Variants in TTC27 observed in about 807,000 individuals in gnomAD.
The protein encoded by TTC27 is tetratricopeptide repeat protein 27.
A neutral mutation model predicts 115.9 loss-of-function variants in TTC27; 79 were observed. That is an observed-to-expected ratio of 0.68 (90% CI 0.57 to 0.82). The LOEUF (loss-of-function observed/expected upper bound fraction) is 0.82. Ranked by LOEUF, TTC27 falls within the 40% of genes least tolerant of loss-of-function variation. The pLI, the probability that TTC27 is intolerant of heterozygous loss-of-function variation, is 0.00. For synonymous variants in TTC27, 401 were observed against 356.0 expected (o/e 1.13, Z -1.42); for missense variants, 1,054 against 993.1 (o/e 1.06, Z -0.82).
intron 8 of TTC27, among the ~76,000 whole-genome samples, chr2:32,674,441 G>GTGCC (rs1666123545): frequency 6.6e-6 from 1 of 152,088 alleles, no homozygotes; most frequent in Admixed American, 6.6e-5. Flanking sequence ...GTGAGCCACC[G>GTGCC]TGCCCAGTCA....
intron 9 of TTC27, among the ~76,000 whole-genome samples, chr2:32,702,198 G>A (rs779752893): frequency 8.6e-5 from 13 of 151,942 alleles, no homozygotes; most frequent in Non-Finnish European, 1.8e-4. Context: ...ACAAGAGAAG[G>A]ACCAAGGGTG....
chr2:32,736,714 C>G lies in TTC27; in HGVS notation c.1350C>G (p.Leu450=). ...TCTAGCGCCAACTTGCAAGTTTGCT[C>G]TTTGAGTTGGGATGTACCAGTTCAG... is the stretch of plus-strand genomic sequence containing the variant. The part of the protein sequence containing the change: ...WAIQRQLASL[L]FELGCTSSAL... The change falls in exon 12 of 20, where the codon CTC becomes CTG. Residue 450 remains leucine (L), a synonymous_variant. Coordinates refer to ENST00000317907, the MANE Select transcript of TTC27 (RefSeq NM_017735.5). The G allele has an allele frequency of 1.9e-6, 3 of 1,613,816 alleles. No individual in the cohort carries two copies. Among genetic ancestry groups the G allele is most frequent in the Non-Finnish European group, 2.5e-6 (3 of 1,179,850 alleles).
intron 3 of TTC27, among the ~76,000 whole-genome samples, chr2:32,636,480 T>C (rs936893340): frequency 1.3e-5 from 2 of 152,120 alleles, no homozygotes. Flanking sequence ...TCCCAAAGTG[T>C]TAGGATTATG....
At chr2:32,713,203 G>C (rs1001002323) in intron 10 of TTC27, among the ~76,000 whole-genome samples, 2 of 152,054 alleles carry the variant, frequency 1.3e-5, no homozygotes, top group African/African-American at 4.8e-5. Flanking sequence ...ATCTCTGCTC[G>C]TTATAGGTGA....
intron 1 of TTC27, among the ~76,000 whole-genome samples, chr2:32,629,671 C>G (rs1437243508): frequency 6.9e-6 from 1 of 145,526 alleles, no homozygotes; most frequent in Non-Finnish European, 1.5e-5. Context: ...GATCTCCTGA[C>G]GTCGTGATCC....
At chr2:32,739,713 A>G (rs1410177531) in intron 12 of TTC27, among the ~76,000 whole-genome samples, 1 of 152,092 alleles carries the variant, frequency 6.6e-6, no homozygotes, top group Non-Finnish European at 1.5e-5. Context: ...TGTTTTTCTT[A>G]TGCTATATTT....
At chr2:32,680,301 T>C (rs1474070863) in intron 9 of TTC27, among the ~76,000 whole-genome samples, 3 of 152,210 alleles carry the variant, frequency 2.0e-5, no homozygotes, top group African/African-American at 2.4e-5. Flanking sequence ...GTACTTTTCA[T>C]TTATTCATTC....
In TTC27 at chr2:32,758,752, AT is replaced by A. The variant is rs1162414635; in HGVS notation, c.1680+240del. On this transcript the variant is annotated intron_variant, in intron 13 of 19. Coordinates refer to ENST00000317907, the MANE Select transcript of TTC27 (RefSeq NM_017735.5). ...CTTTAACTTTCTGTTTCATTTTGTT[AT>A]TTTTTTCCCTTATCTGTCCTTAACT... is the stretch of plus-strand genomic sequence containing the variant. Among the ~76,000 whole-genome samples, 17 of 146,138 alleles carry A rather than the reference AT, an allele frequency of 1.2e-4. No homozygotes were observed. In the South Asian group the frequency reaches 3.9e-3, roughly 33 times the overall value.
intron 9 of TTC27, among the ~76,000 whole-genome samples, chr2:32,682,150 C>A (rs1666454074): frequency 6.6e-6 from 1 of 151,850 alleles, no homozygotes; most frequent in Admixed American, 6.6e-5. Context: ...TGAATAAATG[C>A]ATGCAGAATA....
At chr2:32,642,806 T>A (rs1664703143) in intron 4 of TTC27, among the ~76,000 whole-genome samples, 1 of 151,910 alleles carries the variant, frequency 6.6e-6, no homozygotes, top group Non-Finnish European at 1.5e-5. Flanking sequence ...TAACTTGTAC[T>A]ACAGGCATGC....
At chr2:32,628,511 C>T in intron 1 of TTC27, 131 bp downstream of exon 1, 3 of 941,032 alleles carry the variant, frequency 3.2e-6, no homozygotes, top group Non-Finnish European at 4.5e-6. Context: ...GGCTTTGGGT[C>T]GTTTAGTCTT....
At chr2:32,763,420 TAAC>T (rs896013876) in intron 13 of TTC27, among the ~76,000 whole-genome samples, 11 of 152,328 alleles carry the variant, frequency 7.2e-5, no homozygotes, top group Admixed American at 1.3e-4. Context: ...TTAGGTTAAA[TAAC>T]AAAATTTAGG....
chr2:32,799,167 G>A (rs1245866627), intron 16 of TTC27, among the ~76,000 whole-genome samples: 5 of 152,194 alleles, frequency 3.3e-5, no homozygotes. Context: ...CCACTTACAT[G>A]AAGTACTTAG....
chr2:32,688,355 A>T (rs981994081), intron 9 of TTC27, among the ~76,000 whole-genome samples: 1 of 152,134 alleles, frequency 6.6e-6, no homozygotes, highest in African/African-American at 2.4e-5. Context: ...TTGTTATAAC[A>T]TTGGGTAGTG....
intron 4 of TTC27, among the ~76,000 whole-genome samples, chr2:32,647,214 T>G (rs758112026): frequency 6.6e-6 from 1 of 152,174 alleles, no homozygotes; most frequent in Non-Finnish European, 1.5e-5. Flanking sequence ...GTGCTGGGAT[T>G]GCAAGTGTGA....
chr2:32,640,659 C>G (rs538164306), intron 4 of TTC27, among the ~76,000 whole-genome samples: 1 of 152,156 alleles, frequency 6.6e-6, no homozygotes, highest in South Asian at 2.1e-4. Flanking sequence ...TATAAATGTT[C>G]ATTTGCAGAA....
At chr2:32,694,949 G>C (rs1331840502) in intron 9 of TTC27, among the ~76,000 whole-genome samples, 2 of 151,958 alleles carry the variant, frequency 1.3e-5, no homozygotes, top group African/African-American at 4.8e-5. Context: ...AAAGTGCTGG[G>C]ATTACAGGTG....
Position 32,817,662 on chromosome 2 carries a change from G to T in TTC27, c.2409+105G>T, listed in dbSNP as rs146414704. On this transcript the variant is annotated intron_variant, in intron 19 of 19. Coordinates refer to ENST00000317907, the MANE Select transcript of TTC27 (RefSeq NM_017735.5). ...TTTTACATCAGTGATAATTTTAGGC[G>T]CATGTTTTATTTAATATAGCAGCCC... is the stretch of plus-strand genomic sequence containing the variant. The T allele has an allele frequency of 1.4e-4, 147 of 1,055,854 alleles. No homozygotes were observed. In the African/African-American group the frequency reaches 2.0e-3, roughly 14 times the overall value. 65.4% of individuals were successfully genotyped at this position (1,055,854 alleles called of 1,614,324 possible).
chr2:32,784,926 A>G (rs1043523215), intron 15 of TTC27, among the ~76,000 whole-genome samples: 2 of 152,186 alleles, frequency 1.3e-5, no homozygotes, highest in African/African-American at 2.4e-5. Flanking sequence ...AAAATATTCC[A>G]TGGAACAATT....
Sources: gnomAD v4.1 joint callset for allele counts (sites outside exome capture counted in the v4.1 genomes callset) on GRCh38, gnomAD v4.1.1 for gene constraint, MANE v1.5 for transcripts, NCBI Gene and HGNC (gene_info 2026-07-23, HGNC 2026-07-21) for gene names.